Variants in GMDS observed in about 807,000 individuals in gnomAD.
GMDS encodes GDP-mannose 4,6-dehydratase, also known as GDP-mannose 4,6 dehydratase.
GMDS carries 20 observed loss-of-function variants against 49.9 expected under a neutral mutation model. That is an observed-to-expected ratio of 0.40 (90% CI 0.28 to 0.58). The LOEUF (loss-of-function observed/expected upper bound fraction) is 0.58. Ranked by LOEUF, GMDS falls within the 20% of genes least tolerant of loss-of-function variation. The pLI, the probability that GMDS is intolerant of heterozygous loss-of-function variation, is 0.42. For missense variants in GMDS, 362 were observed against 481.4 expected (o/e 0.75, Z 2.32); for synonymous variants, 177 against 178.6 (o/e 0.99, Z 0.07).
At chr6:1,842,761 A>G (rs1757203990) in intron 7 of GMDS, among the ~76,000 whole-genome samples, 1 of 152,216 alleles carries the variant, frequency 6.6e-6, no homozygotes, top group Non-Finnish European at 1.5e-5. Context: ...TAAACTGCCT[A>G]GTATTTCTTG....
intron 7 of GMDS, among the ~76,000 whole-genome samples, chr6:1,781,782 C>T (rs188323012): frequency 6.6e-6 from 1 of 152,088 alleles, no homozygotes; most frequent in Admixed American, 6.5e-5. Flanking sequence ...TCTTAATGGT[C>T]ATGGGGGCCT....
At chr6:2,107,157 A>T (rs1436598390) in intron 4 of GMDS, among the ~76,000 whole-genome samples, 1 of 152,230 alleles carries the variant, frequency 6.6e-6, no homozygotes, top group South Asian at 2.1e-4. Context: ...AATTCCAAAC[A>T]TTATTAGCTG....
intron 9 of GMDS, among the ~76,000 whole-genome samples, chr6:1,711,653 A>T (rs1322801987): frequency 6.6e-6 from 1 of 152,190 alleles, no homozygotes; most frequent in Non-Finnish European, 1.5e-5. Flanking sequence ...CGTTATGTCT[A>T]GGTATGGTTT....
At chr6:2,121,324 GTT>G (rs1322595858) in intron 2 of GMDS, among the ~76,000 whole-genome samples, 3 of 152,170 alleles carry the variant, frequency 2.0e-5, no homozygotes, top group African/African-American at 7.2e-5. Flanking sequence ...GAATTCTTAG[GTT>G]TCCTCATTAT....
At chr6:1,773,630 C>T (rs1768674317) in intron 7 of GMDS, among the ~76,000 whole-genome samples, 1 of 152,154 alleles carries the variant, frequency 6.6e-6, no homozygotes, top group Admixed American at 6.5e-5. Context: ...TGCTGAGCAG[C>T]ATCGATGGCT....
intron 4 of GMDS, among the ~76,000 whole-genome samples, chr6:2,028,844 G>A (rs529623832): frequency 6.6e-6 from 1 of 152,182 alleles, no homozygotes; most frequent in African/African-American, 2.4e-5. Context: ...AAATACTAAC[G>A]ACTATATTCC....
At chr6:1,850,491 T>C (rs1235027939) in intron 7 of GMDS, among the ~76,000 whole-genome samples, 1 of 152,186 alleles carries the variant, frequency 6.6e-6, no homozygotes, top group Non-Finnish European at 1.5e-5. Context: ...AGCCTTACAA[T>C]AACCCTGAAT....
chr6:1,674,946 TTC>T (rs1258247867), intron 9 of GMDS, among the ~76,000 whole-genome samples: 7 of 152,138 alleles, frequency 4.6e-5, no homozygotes, highest in African/African-American at 1.7e-4. Flanking sequence ...CTTTCTTTTT[TTC>T]TTTTTTGAGA....
intron 1 of GMDS, among the ~76,000 whole-genome samples, chr6:2,232,885 C>T (rs1341910703): frequency 6.6e-6 from 1 of 152,096 alleles, no homozygotes; most frequent in Non-Finnish European, 1.5e-5. Context: ...CCCCTGACTG[C>T]ACAGAAGCCC....
chr6:2,053,112 A>G (rs1770540373), intron 4 of GMDS, among the ~76,000 whole-genome samples: 1 of 152,192 alleles, frequency 6.6e-6, no homozygotes, highest in African/African-American at 2.4e-5. Context: ...ACACAAGAAA[A>G]TATATATTTT....
chr6:2,021,828 C>T (rs1005809207), intron 4 of GMDS, among the ~76,000 whole-genome samples: 1 of 152,232 alleles, frequency 6.6e-6, no homozygotes, highest in African/African-American at 2.4e-5. Context: ...GCATGCACCA[C>T]CCAGCTGGTG....
intron 1 of GMDS, among the ~76,000 whole-genome samples, chr6:2,173,187 A>G (rs754065170): frequency 2.0e-5 from 3 of 152,256 alleles, no homozygotes; most frequent in Non-Finnish European, 4.4e-5. Context: ...ATAATCAGAT[A>G]CAGTCTGAAG....
intron 4 of GMDS, among the ~76,000 whole-genome samples, chr6:2,073,546 C>T (rs1218017673): frequency 1.3e-5 from 2 of 152,168 alleles, no homozygotes; most frequent in African/African-American, 4.8e-5. Context: ...ATATACAACA[C>T]ATTGTCACTA....
chr6:1,846,512 T>C (rs1757419892), intron 7 of GMDS, among the ~76,000 whole-genome samples: 1 of 152,168 alleles, frequency 6.6e-6, no homozygotes. Flanking sequence ...AATGAATAAG[T>C]TTCTCTCCAT....
At chr6:1,906,787 C>T (rs532825088) in intron 7 of GMDS, among the ~76,000 whole-genome samples, 4 of 152,272 alleles carry the variant, frequency 2.6e-5, no homozygotes, top group Non-Finnish European at 4.4e-5. Context: ...GAGCTATCTT[C>T]GGATCACACA....
intron 1 of GMDS, among the ~76,000 whole-genome samples, chr6:2,159,755 G>C (rs1326852038): frequency 6.6e-6 from 1 of 151,970 alleles, no homozygotes; most frequent in South Asian, 2.1e-4. Flanking sequence ...GACCTCAGGT[G>C]ATCTGCCTGC....
intron 1 of GMDS, among the ~76,000 whole-genome samples, chr6:2,152,487 G>C (rs1449918594): frequency 3.3e-5 from 5 of 152,042 alleles, no homozygotes; most frequent in Non-Finnish European, 5.9e-5. Context: ...ATTATGCTGG[G>C]AGGAAATATC....
chr6:1,768,064 CT>C (rs1768426513), intron 7 of GMDS, among the ~76,000 whole-genome samples: 1 of 151,982 alleles, frequency 6.6e-6, no homozygotes, highest in Non-Finnish European at 1.5e-5. Flanking sequence ...GGTATTTAGC[CT>C]GTATATGTTA....
chr6:1,918,864 CTTTCA>C (rs1761557651), intron 7 of GMDS, among the ~76,000 whole-genome samples: 1 of 121,222 alleles, frequency 8.2e-6, no homozygotes, highest in Non-Finnish European at 1.9e-5. Flanking sequence ...ACGTTACTTC[CTTTCA>C]TTTATGATCT....
Sources: gnomAD v4.1 joint callset for allele counts (sites outside exome capture counted in the v4.1 genomes callset) on GRCh38, gnomAD v4.1.1 for gene constraint, MANE v1.5 for transcripts, NCBI Gene and HGNC (gene_info 2026-07-23, HGNC 2026-07-21) for gene names.